IL1RAPL1: variants seen among roughly 807,000 people sequenced by gnomAD.
The protein encoded by IL1RAPL1 is interleukin 1 receptor accessory protein like 1, also known as interleukin-1 receptor accessory protein-like 1.
A neutral mutation model predicts 48.4 loss-of-function variants in IL1RAPL1; 3 were observed. The ratio of observed to expected loss-of-function variants is 0.06; its 90% CI spans 0.03 to 0.16. The LOEUF is 0.16. Among genes scored for constraint, IL1RAPL1 ranks in the 10% least tolerant of loss-of-function variants. IL1RAPL1 has a pLI of 1.00. For synonymous variants in IL1RAPL1, 185 were observed against 187.7 expected, an observed-to-expected ratio of 0.99 and a Z score of 0.12; for missense variants, 349 against 530.6, an observed-to-expected ratio of 0.66 and a Z score of 3.36.
At position 28,747,619 on chromosome X, in the gene IL1RAPL1, C is replaced by T. The variant is rs757965537; in HGVS notation, c.-24-41701C>T. 4.5e-5 allele frequency among the ~76,000 whole-genome samples: 5 copies of T among 111,973 alleles called. No homozygotes were observed. In the South Asian group the frequency reaches 1.8e-3, roughly 41 times the overall value. ...TTTCACTACTGCATCCCGGCCTGGGCGACAGAGTGAGACTCCGTCTCGAAA... is the reference window on the plus strand; with the variant it reads ...TTTCACTACTGCATCCCGGCCTGGGTGACAGAGTGAGACTCCGTCTCGAAA... On this transcript the variant is annotated intron_variant, in intron 1 of 10. Transcript: ENST00000378993.
chrX:29,096,808 G>A (rs1418431173), intron 2 of IL1RAPL1, among the ~76,000 whole-genome samples: 1 of 110,678 alleles, frequency 9.0e-6, no homozygotes, highest in Non-Finnish European at 1.9e-5. Context: ...TGAGGTATAG[G>A]ACTAAGATTT....
At chrX:29,655,594 C>T (rs953229726) in intron 5 of IL1RAPL1, among the ~76,000 whole-genome samples, 1 of 90,978 alleles carries the variant, frequency 1.1e-5, no homozygotes, top group African/African-American at 4.4e-5. Context: ...ACCCGGGAGA[C>T]GGAGGTTGCA....
chrX:29,568,140 T>C (rs1313737381), intron 5 of IL1RAPL1, among the ~76,000 whole-genome samples: 1 of 94,105 alleles, frequency 1.1e-5, no homozygotes, highest in Non-Finnish European at 2.1e-5. Flanking sequence ...GAATAACAGA[T>C]TATTCTTGAT....
intron 2 of IL1RAPL1, among the ~76,000 whole-genome samples, chrX:28,894,000 G>A (rs1483812766): frequency 8.9e-6 from 1 of 111,933 alleles, no homozygotes; most frequent in Non-Finnish European, 1.9e-5. Context: ...CATAAGCGTT[G>A]CCTAGAGCAA....
chrX:29,108,185 A>G (rs981806821), intron 2 of IL1RAPL1, among the ~76,000 whole-genome samples: 4 of 111,880 alleles, frequency 3.6e-5, no homozygotes, highest in African/African-American at 1.3e-4. Flanking sequence ...GCAATTATGC[A>G]TGATATACTC....
intron 2 of IL1RAPL1, among the ~76,000 whole-genome samples, chrX:29,050,204 C>T (rs989780067): frequency 2.0e-4 from 22 of 111,913 alleles, no homozygotes; most frequent in African/African-American, 6.8e-4. Flanking sequence ...ACACCACACC[C>T]GGCATGACTA....
At position 29,646,576 on chromosome X, in the gene IL1RAPL1, G is replaced by A. The variant is rs183702744; in HGVS notation, c.704-21854G>A. On this transcript the variant is annotated intron_variant, in intron 5 of 10. Transcript: ENST00000378993. ...CAGAAAACTGTCAAATCTGCAGAAA[G>A]ATATAAATATCCAGTTACAGGAAGG... Among the ~76,000 whole-genome samples, 489 of 111,069 alleles carry A rather than the reference G, an allele frequency of 4.4e-3. 2 individuals are homozygous for A. Among genetic ancestry groups the A allele is most frequent in the Middle Eastern group, 9.3e-3 (2 of 214 alleles).
intron 5 of IL1RAPL1, among the ~76,000 whole-genome samples, chrX:29,484,526 T>C (rs1269136482): frequency 2.7e-5 from 3 of 111,966 alleles, no homozygotes; most frequent in Non-Finnish European, 5.6e-5. Flanking sequence ...TAGATCATAA[T>C]AAGTGACATG....
intron 3 of IL1RAPL1, among the ~76,000 whole-genome samples, chrX:29,357,593 C>G (rs888915300): frequency 6.2e-5 from 7 of 112,062 alleles, no homozygotes; most frequent in East Asian, 2.8e-4. Context: ...TACAACACTT[C>G]TAAATCTGTT....
At chrX:28,877,923 T>C (rs1367527453) in intron 2 of IL1RAPL1, among the ~76,000 whole-genome samples, 1 of 112,421 alleles carries the variant, frequency 8.9e-6, no homozygotes, top group Non-Finnish European at 1.9e-5. Flanking sequence ...ATAAATATTA[T>C]GCTTATTCAT....
intron 2 of IL1RAPL1, among the ~76,000 whole-genome samples, chrX:29,061,603 T>C (rs780874913): frequency 9.0e-6 from 1 of 111,343 alleles, no homozygotes; most frequent in African/African-American, 3.3e-5. Flanking sequence ...GTATTACAGG[T>C]GCCCACCACC....
At chrX:29,477,601 T>C (rs1934992140) in intron 5 of IL1RAPL1, among the ~76,000 whole-genome samples, 1 of 112,285 alleles carries the variant, frequency 8.9e-6, no homozygotes, top group Non-Finnish European at 1.9e-5. Context: ...TCAGTCACTC[T>C]TTTAAGTACT....
chrX:29,584,313 G>C (rs1339823889), intron 5 of IL1RAPL1, among the ~76,000 whole-genome samples: 2 of 111,053 alleles, frequency 1.8e-5, no homozygotes, highest in African/African-American at 6.6e-5. Context: ...GAAAACATAC[G>C]AACAGTCCAT....
chrX:28,985,021 G>A (rs1339118119), intron 2 of IL1RAPL1, among the ~76,000 whole-genome samples: 1 of 110,970 alleles, frequency 9.0e-6, no homozygotes, highest in Non-Finnish European at 1.9e-5. Context: ...ATATAAACTG[G>A]GTATGATACA....
intron 6 of IL1RAPL1, among the ~76,000 whole-genome samples, chrX:29,718,884 A>G (rs761998970): frequency 1.5e-4 from 17 of 111,718 alleles, no homozygotes; most frequent in Middle Eastern, 4.6e-3. Flanking sequence ...CAGAAGTTAT[A>G]CCCCCAAATG....
At chrX:29,129,066 G>A (rs1404235256) in intron 2 of IL1RAPL1, among the ~76,000 whole-genome samples, 4 of 77,082 alleles carry the variant, frequency 5.2e-5, no homozygotes, top group African/African-American at 1.1e-4. Context: ...TTTTTGAGAT[G>A]GAGTTTCACT....
intron 2 of IL1RAPL1, among the ~76,000 whole-genome samples, chrX:29,028,147 A>T (rs899462887): frequency 9.0e-6 from 1 of 110,747 alleles, no homozygotes; most frequent in African/African-American, 3.3e-5. Flanking sequence ...AATACAATAC[A>T]TTGTTACTAA....
chrX:29,937,373 T>C (rs1404705842), intron 8 of IL1RAPL1, among the ~76,000 whole-genome samples: 2 of 112,314 alleles, frequency 1.8e-5, no homozygotes, highest in Non-Finnish European at 3.8e-5. Context: ...GGCAACACCA[T>C]TTACATTGTA....
intron 2 of IL1RAPL1, among the ~76,000 whole-genome samples, chrX:29,138,766 G>C (rs2147489966): frequency 1.1e-5 from 1 of 89,928 alleles, no homozygotes; most frequent in East Asian, 3.7e-4. Flanking sequence ...GACAGAGCGA[G>C]ACTCCATCTA....
Sources: gnomAD v4.1 joint callset for allele counts (sites outside exome capture counted in the v4.1 genomes callset) on GRCh38, gnomAD v4.1.1 for gene constraint, MANE v1.5 for transcripts, NCBI Gene and HGNC (gene_info 2026-07-23, HGNC 2026-07-21) for gene names.